Variants in ASCC1 observed in about 807,000 individuals in gnomAD.
The protein encoded by ASCC1 is ASC-1 complex subunit P50.
ASCC1 carries 35 observed loss-of-function variants against 46.6 expected under a neutral mutation model. The ratio of observed to expected loss-of-function variants is 0.75; its 90% CI spans 0.57 to 0.99. ASCC1 has a LOEUF of 0.99. Among genes scored for constraint, ASCC1 ranks in the 50% least tolerant of loss-of-function variants. The pLI is 0.00. For synonymous variants in ASCC1, 143 were observed against 146.6 expected (o/e 0.98, Z 0.18); for missense variants, 376 against 428.7 (o/e 0.88, Z 1.09).
At chr10:72,149,063 G>C (rs576822596) in intron 7 of ASCC1, among the ~76,000 whole-genome samples, 4 of 152,086 alleles carry the variant, frequency 2.6e-5, no homozygotes, top group Admixed American at 1.3e-4. Context: ...CTATTAAAGA[G>C]ATTCAAAAAT....
chr10:72,201,945 T>C (rs1293574444), intron 4 of ASCC1, among the ~76,000 whole-genome samples: 1 of 149,274 alleles, frequency 6.7e-6, no homozygotes, highest in African/African-American at 2.5e-5. Context: ...AAAAATAAAA[T>C]AAAATAAAAT....
At chr10:72,140,512 T>C (rs960778591) in intron 7 of ASCC1, among the ~76,000 whole-genome samples, 3 of 152,236 alleles carry the variant, frequency 2.0e-5, no homozygotes, top group African/African-American at 4.8e-5. Flanking sequence ...TAGTAGTGTT[T>C]CATAATATCT....
At chr10:72,109,906 T>C (rs566075744) in intron 9 of ASCC1, among the ~76,000 whole-genome samples, 38 of 152,318 alleles carry the variant, frequency 2.5e-4, no homozygotes, top group African/African-American at 8.2e-4. Flanking sequence ...ACTCCGCCCG[T>C]TTCCACATTA....
At chr10:72,181,446 C>T (rs1852605408) in intron 5 of ASCC1, among the ~76,000 whole-genome samples, 1 of 152,044 alleles carries the variant, frequency 6.6e-6, no homozygotes, top group Admixed American at 6.5e-5. Flanking sequence ...GAATTATTTT[C>T]ATACATGGTT....
rs781723501 is a variant in ASCC1 at position 72,097,055 on chromosome 10, G to T, written c.*279C>A. On this transcript the variant is annotated 3_prime_UTR_variant, in exon 10 of 10. Coordinates refer to ENST00000672957, the MANE Select transcript of ASCC1 (RefSeq NM_001198800.3). The stretch of plus-strand genomic sequence containing the variant: ...TGTGCACTTAAAAATGGTGAAGACA[G>T]TATGTTTTATGAGTATTTTACGACA... 2.1e-6 allele frequency: 1 copy of T among 484,940 alleles called. No individual in the cohort carries two copies. The allele number at this position is 484,940 out of a possible 1,614,324, so 30.0% of individuals were successfully genotyped here. A position where few individuals can be genotyped will look rare whatever the true frequency, so the allele number is the denominator to read the frequency against.
At chr10:72,173,279 A>C (rs1001597771) in intron 5 of ASCC1, among the ~76,000 whole-genome samples, 3 of 151,958 alleles carry the variant, frequency 2.0e-5, no homozygotes, top group African/African-American at 7.3e-5. Context: ...TTATTCTTCA[A>C]CTTTCTCTTG....
At chr10:72,216,316 G>T (rs1225610062), upstream of ASCC1, 2 of 160,956 alleles carry the variant, frequency 1.2e-5, no homozygotes, top group Admixed American at 1.2e-4. Flanking sequence ...GCGCATGCGG[G>T]CCGAGGGCTG....
intron 3 of ASCC1, among the ~76,000 whole-genome samples, chr10:72,208,487 C>G (rs1232994562): frequency 1.3e-5 from 2 of 151,954 alleles, no homozygotes; most frequent in Admixed American, 1.3e-4. Context: ...TGGCCGGGTG[C>G]GGTGGCTCAC....
At chr10:72,203,057 G>T (rs1014016828) in intron 4 of ASCC1, among the ~76,000 whole-genome samples, 16 of 152,132 alleles carry the variant, frequency 1.1e-4, no homozygotes. Flanking sequence ...GAGGCCGAGA[G>T]GGGAGGATCA....
chr10:72,216,779 G>GT (rs1357763827), upstream of ASCC1: 1 of 455,770 alleles, frequency 2.2e-6, no homozygotes, highest in South Asian at 1.5e-5. Context: ...ACAAAGCATC[G>GT]TTACTCTCCT....
At chr10:72,122,508 G>A (rs1199557529) in intron 9 of ASCC1, among the ~76,000 whole-genome samples, 2 of 151,730 alleles carry the variant, frequency 1.3e-5, no homozygotes, top group Non-Finnish European at 2.9e-5. Context: ...TTAGCTGGGT[G>A]TGGTAGCTCA....
In ASCC1 at chr10:72,096,111, T is replaced by C. The variant is rs778621996; in HGVS notation, c.*1223A>G. 8.8e-6 allele frequency: 4 copies of C among 454,016 alleles called. No homozygotes were observed. Among genetic ancestry groups the C allele is most frequent in the Admixed American group, 2.3e-5 (1 of 42,556 alleles). 28.1% of individuals were successfully genotyped at this position (454,016 alleles called of 1,614,324 possible). ...ACTGTTAGACACAGTCCTCACAATG[T>C]AGCAACTTAACACAGAGTTCAGAAG... On this transcript the variant is annotated 3_prime_UTR_variant, in exon 10 of 10. Transcript: ENST00000672957.
chr10:72,205,182 A>G (rs1414925430), intron 3 of ASCC1, among the ~76,000 whole-genome samples: 1 of 152,186 alleles, frequency 6.6e-6, no homozygotes, highest in Non-Finnish European at 1.5e-5. Context: ...CTAAAAAAAT[A>G]AAAATAGGCC....
In ASCC1 at chr10:72,186,856, C is replaced by A. The variant is rs7088358; in HGVS notation, c.489+9955G>T. On this transcript the variant is annotated intron_variant, in intron 5 of 9. Coordinates refer to ENST00000672957, the MANE Select transcript of ASCC1 (RefSeq NM_001198800.3). ...GCGAACAAGCTCATTCTGGCGAAAT[C>A]AAAGCAGTAATTCCAGTGTTTGTTC... 2.0e-4 allele frequency among the ~76,000 whole-genome samples: 26 copies of A among 130,468 alleles called. No individual in the cohort carries two copies. The Admixed American group carries it at 2.5e-3, about 12-fold the overall frequency. The allele number at this position is 130,468 out of a possible 152,430, so 85.6% of individuals were successfully genotyped here.
intron 6 of ASCC1, 42 bp downstream of exon 6, chr10:72,161,496 C>G: frequency 6.2e-7 from 1 of 1,613,792 alleles, no homozygotes; most frequent in Non-Finnish European, 8.5e-7. Flanking sequence ...AAGAAGCCAG[C>G]CCAGGTAGAC....
intron 3 of ASCC1, among the ~76,000 whole-genome samples, chr10:72,207,424 A>G (rs1468523444): frequency 6.6e-6 from 1 of 152,204 alleles, no homozygotes; most frequent in African/African-American, 2.4e-5. Context: ...AAAATAATAA[A>G]ATAAATAAAA....
intron 5 of ASCC1, among the ~76,000 whole-genome samples, chr10:72,181,527 G>A (rs1182767687): frequency 3.3e-5 from 5 of 150,926 alleles, no homozygotes; most frequent in Non-Finnish European, 5.9e-5. Context: ...TTATAAAATT[G>A]GAAAAACAAA....
intron 9 of ASCC1, among the ~76,000 whole-genome samples, chr10:72,114,844 C>CT (rs140738165): frequency 6.0e-5 from 9 of 148,916 alleles, no homozygotes; most frequent in South Asian, 2.1e-4. Context: ...AGTCAGCAAA[C>CT]TTTTTTTTTT....
At chr10:72,214,530 C>A (rs1286713167) in intron 1 of ASCC1, among the ~76,000 whole-genome samples, 1 of 151,824 alleles carries the variant, frequency 6.6e-6, no homozygotes, top group East Asian at 1.9e-4. Context: ...CCCCTGCCAC[C>A]ACCCCCGGCT....
Sources: gnomAD v4.1 joint callset for allele counts (sites outside exome capture counted in the v4.1 genomes callset) on GRCh38, gnomAD v4.1.1 for gene constraint, MANE v1.5 for transcripts, NCBI Gene and HGNC (gene_info 2026-07-23, HGNC 2026-07-21) for gene names.